DIS3L2: variants seen among roughly 807,000 people sequenced by gnomAD.
DIS3L2 encodes the protein DIS3 like 3'-5' exoribonuclease 2, also known as DIS3-like exonuclease 2.
A neutral mutation model predicts 97.5 loss-of-function variants in DIS3L2; 34 were observed. The observed-to-expected ratio is 0.35, with a 90% CI of 0.27 to 0.46. DIS3L2 has a LOEUF of 0.46. Ranked by LOEUF, DIS3L2 falls within the 20% of genes least tolerant of loss-of-function variation. DIS3L2 has a pLI of 1.00. For synonymous variants in DIS3L2, 435 were observed against 445.2 expected, an observed-to-expected ratio of 0.98 and a Z score of 0.29; for missense variants, 1,038 against 1,146.0, an observed-to-expected ratio of 0.91 and a Z score of 1.36.
intron 9 of DIS3L2, among the ~76,000 whole-genome samples, chr2:232,169,305 T>G (rs1292822003): frequency 4.6e-5 from 7 of 152,162 alleles, no homozygotes; most frequent in African/African-American, 9.7e-5. Flanking sequence ...TTGCACATAT[T>G]GTTTATATAT....
intron 15 of DIS3L2, among the ~76,000 whole-genome samples, chr2:232,330,295 G>A (rs535123979): frequency 6.6e-6 from 1 of 152,174 alleles, no homozygotes; most frequent in Admixed American, 6.5e-5. Flanking sequence ...TTTCAGAGTC[G>A]GGGCTGGAAT....
intron 5 of DIS3L2, among the ~76,000 whole-genome samples, chr2:232,032,309 T>C (rs1253036955): frequency 6.6e-6 from 1 of 152,246 alleles, no homozygotes; most frequent in Admixed American, 6.5e-5. Context: ...AATGTCTTCT[T>C]TTGAAAAGTG....
intron 11 of DIS3L2, among the ~76,000 whole-genome samples, chr2:232,239,569 G>T (rs543118902): frequency 3.3e-5 from 5 of 152,246 alleles, no homozygotes; most frequent in African/African-American, 1.2e-4. Context: ...TCCAGTTTGG[G>T]ATTCTGCCTA....
chr2:232,273,430 G>A (rs1440135789), intron 13 of DIS3L2, among the ~76,000 whole-genome samples: 2 of 152,174 alleles, frequency 1.3e-5, no homozygotes, highest in African/African-American at 4.8e-5. Flanking sequence ...GCTGTGTTCA[G>A]GAGAGTGGAT....
At chr2:231,998,245 G>C (rs1236592403) in intron 1 of DIS3L2, among the ~76,000 whole-genome samples, 2 of 152,152 alleles carry the variant, frequency 1.3e-5, no homozygotes, top group Non-Finnish European at 2.9e-5. Context: ...GAGCCTTCTT[G>C]CTGCATCATC....
intron 9 of DIS3L2, among the ~76,000 whole-genome samples, chr2:232,170,173 A>AG (rs1345420486): frequency 6.6e-6 from 1 of 152,188 alleles, no homozygotes; most frequent in East Asian, 1.9e-4. Context: ...AACTGCTTAA[A>AG]GGGGGGTTGC....
intron 6 of DIS3L2, among the ~76,000 whole-genome samples, chr2:232,089,858 C>T (rs73001175): frequency 0.015 from 2,277 of 152,264 alleles, 23 homozygotes; most frequent in Non-Finnish European, 0.021. Context: ...GTTTACTTTG[C>T]TGGCATCCAA....
At position 232,336,490 on chromosome 2, in the gene DIS3L2, G is replaced by T; in HGVS notation, c.2518G>T (p.Val840Leu). Residue 840 changes from valine (V) to leucine (L), a missense_variant, in exon 21 of 21, where the codon GTG (valine) becomes TTG (leucine). Around this residue, in one of 3 missense-constraint regions of DIS3L2, gnomAD observed 221 missense variants for 246.9 expected, o/e 0.90. Coordinates refer to ENST00000325385, the MANE Select transcript of DIS3L2 (RefSeq NM_152383.5). The part of the protein sequence containing the change: ...AQQVITIFSL[V>L]EVVLQAESTA... ...ACAGGTCATCACCATCTTCAGCCTGGTGGAGGTGGTCCTGCAGGCAGAGTC... is the reference window on the plus strand; with the variant it reads ...ACAGGTCATCACCATCTTCAGCCTGTTGGAGGTGGTCCTGCAGGCAGAGTC... 6.2e-7 allele frequency: 1 copy of T among 1,611,462 alleles called. No homozygotes were observed. The highest frequency in any genetic ancestry group is 8.5e-7 in the Non-Finnish European group (1 of 1,179,650).
intron 1 of DIS3L2, among the ~76,000 whole-genome samples, chr2:232,009,068 A>G (rs931766098): frequency 6.6e-6 from 1 of 151,676 alleles, no homozygotes; most frequent in Non-Finnish European, 1.5e-5. Flanking sequence ...TCTTTTTTAT[A>G]ATTTCTCTTT....
chr2:232,065,804 C>G (rs1374437731), intron 5 of DIS3L2, among the ~76,000 whole-genome samples: 2 of 151,874 alleles, frequency 1.3e-5, no homozygotes, highest in Admixed American at 6.6e-5. Context: ...AGATATTTAT[C>G]TCCATTTATT....
chr2:232,141,066 A>T (rs1010677024), intron 8 of DIS3L2, among the ~76,000 whole-genome samples: 1 of 152,190 alleles, frequency 6.6e-6, no homozygotes, highest in African/African-American at 2.4e-5. Context: ...CGCTGGAATG[A>T]TCTGCAATTA....
chr2:232,290,301 A>G (rs867304283), intron 13 of DIS3L2, among the ~76,000 whole-genome samples: 4 of 152,244 alleles, frequency 2.6e-5, no homozygotes, highest in African/African-American at 9.6e-5. Context: ...AGGCAAGAAC[A>G]TGGCCCACTA....
intron 11 of DIS3L2, among the ~76,000 whole-genome samples, chr2:232,245,170 G>A (rs142534876): frequency 3.3e-5 from 5 of 152,318 alleles, no homozygotes; most frequent in African/African-American, 1.2e-4. Context: ...CCCAGCTCCT[G>A]GAGAGACCTT....
At chr2:232,125,355 T>G (rs765263237) in intron 6 of DIS3L2, among the ~76,000 whole-genome samples, 9 of 152,232 alleles carry the variant, frequency 5.9e-5, no homozygotes, top group Non-Finnish European at 7.3e-5. Flanking sequence ...CTGGGTTGAC[T>G]CCAGCATTTC....
chr2:231,975,704 CA>C (rs34710079), intron 1 of DIS3L2, among the ~76,000 whole-genome samples: 1,689 of 55,330 alleles, frequency 0.031, 3 homozygotes, highest in African/African-American at 0.069. Flanking sequence ...GACTCCGCCT[CA>C]AAAAAAAAAA....
At chr2:232,190,153 C>A (rs1433546390) in intron 9 of DIS3L2, among the ~76,000 whole-genome samples, 1 of 152,086 alleles carries the variant, frequency 6.6e-6, no homozygotes, top group Non-Finnish European at 1.5e-5. Flanking sequence ...CATGATGAGA[C>A]CCTCATCTTT....
chr2:232,325,218 G>A lies in DIS3L2; in HGVS notation c.1740-4595G>A, dbSNP rs545595658. ...TCCCACCTGAGCCAGCAGGAATGCGGCACCCAGTGGCTGGCTCTGCAGTCT... is the reference window on the plus strand; with the variant it reads ...TCCCACCTGAGCCAGCAGGAATGCGACACCCAGTGGCTGGCTCTGCAGTCT... On this transcript the variant is annotated intron_variant, in intron 14 of 20. Transcript: ENST00000325385. This position sits in a 1 kb window ranked among gnomAD's most constrained non-coding sequence, Gnocchi z 4.6. Among the ~76,000 whole-genome samples the A allele has an allele frequency of 2.3e-3, 344 of 152,346 alleles. 3 individuals are homozygous for A. The highest frequency in any genetic ancestry group is 6.4e-3 in the South Asian group (31 of 4,830).
intron 6 of DIS3L2, among the ~76,000 whole-genome samples, chr2:232,091,103 A>C (rs1263975278): frequency 3.9e-5 from 6 of 152,060 alleles, no homozygotes; most frequent in Admixed American, 3.9e-4. Flanking sequence ...AACTTTTACC[A>C]CTTTACAAGC....
intron 10 of DIS3L2, among the ~76,000 whole-genome samples, chr2:232,223,891 C>T (rs2106235635): frequency 6.6e-6 from 1 of 152,272 alleles, no homozygotes; most frequent in South Asian, 2.1e-4. Context: ...AATTTGAGAC[C>T]AGCCTTGGCA....
Sources: gnomAD v4.1 joint callset for allele counts (sites outside exome capture counted in the v4.1 genomes callset) on GRCh38, gnomAD v4.1.1 for gene constraint, gnomAD v4.1.1 regional missense constraint, Gnocchi (gnomAD v3.1) non-coding constraint, MANE v1.5 for transcripts, NCBI Gene and HGNC (gene_info 2026-07-23, HGNC 2026-07-21) for gene names.